Variants in OBP2A observed in about 807,000 individuals in gnomAD.
OBP2A encodes the protein odorant binding protein 2A.
A neutral mutation model predicts 21.9 loss-of-function variants in OBP2A; 15 were observed. The observed-to-expected ratio is 0.69, with a 90% CI of 0.46 to 1.06. The LOEUF is 1.06. Ranked by LOEUF, OBP2A falls within the 50% of genes least tolerant of loss-of-function variation. OBP2A has a pLI of 0.00. For synonymous variants in OBP2A, 86 were observed against 91.8 expected (o/e 0.94, Z 0.36); for missense variants, 192 against 220.1 (o/e 0.87, Z 0.81).
At chr9:135,548,993 C>CTGGGGCTCTGAGCTCTGGGCTGCGATGG (rs1292271646) in intron 5 of OBP2A, among the ~76,000 whole-genome samples, 184 bp downstream of exon 5, 40 of 21,140 alleles carry the variant, frequency 1.9e-3, no homozygotes, top group African/African-American at 3.1e-3. Context: ...GGCTGCGATG[C>CTGGGGCTCTGAGCTCTGGGCTGCGATGG]GGTCTGGGGC....
chr9:135,548,088 C>A, intron 4 of OBP2A, 107 bp downstream of exon 4: 1 of 772,446 alleles, frequency 1.3e-6, no homozygotes, highest in Non-Finnish European at 2.0e-6. Context: ...AGGAAGCCCC[C>A]TGCGCCGGCC....
In OBP2A at chr9:135,547,187, T is replaced by C; in HGVS notation, c.216T>C (p.Asp72=). Residue 72 remains aspartate (D), a synonymous_variant, in exon 3 of 7, where the codon GAT becomes GAC. Coordinates refer to ENST00000371776, the MANE Select transcript of OBP2A (RefSeq NM_014582.3). The part of the protein sequence containing the change: ...LEATFTFMRE[D]RCIQKKILMR... ...GTCTCCTGTTTTCCAGGAGGGAGGATCGGTGCATCCAGAAGAAAATCCTGA... is the reference window on the plus strand; with the variant it reads ...GTCTCCTGTTTTCCAGGAGGGAGGACCGGTGCATCCAGAAGAAAATCCTGA... 2 of 1,612,316 alleles carry C rather than the reference T, an allele frequency of 1.2e-6. No homozygotes were observed. Among genetic ancestry groups the C allele is most frequent in the Non-Finnish European group, 1.7e-6 (2 of 1,179,872 alleles).
At chr9:135,547,428 C>T (rs1243329724) in intron 3 of OBP2A, among the ~76,000 whole-genome samples, 180 bp downstream of exon 3, 1 of 152,212 alleles carries the variant, frequency 6.6e-6, no homozygotes, top group African/African-American at 2.4e-5. Flanking sequence ...CCAGGTGTGA[C>T]AGGCTTGTCC....
intron 4 of OBP2A, 92 bp from the exon 5 acceptor site, chr9:135,548,616 T>G (rs1293046663): frequency 1.9e-6 from 3 of 1,580,186 alleles, no homozygotes; most frequent in Non-Finnish European, 2.6e-6. Flanking sequence ...CCCGTCCTGA[T>G]GCTGGGCCGT....
intron 3 of OBP2A, 66 bp downstream of exon 3, chr9:135,547,314 G>A (rs1831967686): frequency 5.2e-6 from 8 of 1,546,858 alleles, no homozygotes; most frequent in East Asian, 4.5e-5. Flanking sequence ...CACTGCAGGT[G>A]GAGAGTGCCC....
At chr9:135,548,976 C>CGCTCTGGGCTGCG (rs1832035039) in intron 5 of OBP2A, among the ~76,000 whole-genome samples, 167 bp downstream of exon 5, 1 of 151,666 alleles carries the variant, frequency 6.6e-6, no homozygotes, top group Admixed American at 6.6e-5. Flanking sequence ...GGAGGGTCTG[C>CGCTCTGGGCTGCG]ACTCTGGGCT....
intron 5 of OBP2A, 128 bp from the exon 6 acceptor site, chr9:135,549,180 C>T (rs1213509017): frequency 1.3e-5 from 7 of 552,128 alleles, no homozygotes; most frequent in Non-Finnish European, 1.9e-5. Context: ...CTCTGGGCTG[C>T]GATGGGGTCT....
Position 135,547,867 on chromosome 9 carries a change from AC to A in OBP2A, c.278-3del, listed in dbSNP as rs1222666669. 1.9e-6 allele frequency: 3 copies of A among 1,600,238 alleles called. No homozygotes were observed. The highest frequency in any genetic ancestry group is 1.1e-5 in the South Asian group (1 of 89,654). ...TGAAGACCCATCTTCTCTGTCATCT[AC>A]AGATGGGGGCAGGAAGCTCATATAC... On this transcript the variant is annotated splice_polypyrimidine_tract_variant and splice_region_variant and intron_variant, in intron 3 of 6. Coordinates refer to ENST00000371776, the MANE Select transcript of OBP2A (RefSeq NM_014582.3).
At chr9:135,549,653 C>A (rs564074514) in intron 6 of OBP2A, 184 bp from the exon 7 acceptor site, 7 of 593,324 alleles carry the variant, frequency 1.2e-5, no homozygotes, top group Middle Eastern at 4.4e-4. Flanking sequence ...TACTCCCCCC[C>A]ACCCACTCAC....
Position 135,546,780 on chromosome 9 carries a change from C to G in OBP2A, c.75C>G (p.Ile25Met). ...CTCACGGCCTTGGCCTGCTCCAGAT[C>G]ACAGGGACCTGGTACGTGAAGGCCA... Reference protein sequence around the residue: ...ALSFTLEEEDITGTWYVKAMV... With the variant: ...ALSFTLEEEDMTGTWYVKAMV... The change falls in exon 2 of 7, where the codon ATC (isoleucine) becomes ATG (methionine). Residue 25 changes from isoleucine to methionine, a missense_variant and splice_region_variant. Ile to Met is a conservative substitution (Grantham distance 10). Transcript: ENST00000371776. 1.2e-6 allele frequency: 2 copies of G among 1,609,068 alleles called. No homozygotes were observed. The highest frequency in any genetic ancestry group is 1.7e-6 in the Non-Finnish European group (2 of 1,176,986).
At position 135,546,856 on chromosome 9, in the gene OBP2A, C is replaced by T; in HGVS notation, c.151C>T (p.Pro51Ser). The change falls in exon 2 of 7, where the codon CCA (proline) becomes TCA (serine). Residue 51 changes from proline (P) to serine (S), a missense_variant. By Grantham distance (74) the Pro-to-Ser change is moderately conservative (BLOSUM62 -1). Coordinates refer to ENST00000371776, the MANE Select transcript of OBP2A (RefSeq NM_014582.3). The stretch of plus-strand genomic sequence containing the variant: ...GGACAGGAGGCCCAGGAAGGTGTCC[C>T]CAGTGAAGGTGACAGCCCTGGGCGG... Reference protein sequence around the residue: ...PEDRRPRKVSPVKVTALGGGN... With the variant: ...PEDRRPRKVSSVKVTALGGGN... 3 of 1,613,728 alleles carry T rather than the reference C, an allele frequency of 1.9e-6. No homozygotes were observed. Among genetic ancestry groups the T allele is most frequent in the Non-Finnish European group, 1.7e-6 (2 of 1,179,754 alleles).
In OBP2A at chr9:135,549,958, G is replaced by A. The variant is rs1033024204; in HGVS notation, c.*123G>A. ...CCACCCACCTGACTCCAAATAAAGA[G>A]CTTCTCCCCCAGCTCTGGGCAGGCC... On this transcript the variant is annotated 3_prime_UTR_variant, in exon 7 of 7. Transcript: ENST00000371776. 5.2e-6 allele frequency: 7 copies of A among 1,351,768 alleles called. No individual in the cohort carries two copies. The highest frequency in any genetic ancestry group is 1.3e-5 in the South Asian group (1 of 75,098). 83.7% of individuals were successfully genotyped at this position (1,351,768 alleles called of 1,614,324 possible).
intron 5 of OBP2A, among the ~76,000 whole-genome samples, chr9:135,549,040 C>T (rs1221984863): frequency 3.6e-4 from 40 of 111,968 alleles, no homozygotes; most frequent in African/African-American, 1.3e-3. Context: ...TGGGGCTCCG[C>T]GCTCTGGGCT....
At chr9:135,548,575 C>A (rs548152251) in intron 4 of OBP2A, 133 bp from the exon 5 acceptor site, 3 of 1,343,536 alleles carry the variant, frequency 2.2e-6, no homozygotes, top group East Asian at 2.5e-5. Flanking sequence ...CAGCCCCACC[C>A]CTGAGCTCTG....
intron 6 of OBP2A, 158 bp from the exon 7 acceptor site, chr9:135,549,679 G>T (rs576154409): frequency 9.4e-5 from 56 of 597,708 alleles, no homozygotes; most frequent in Admixed American, 3.0e-4. Context: ...ATGCTCAGAG[G>T]CCTGCCCAGT....
chr9:135,546,675 GC>G lies in OBP2A; in HGVS notation c.73-101del. 2.0e-6 allele frequency: 3 copies of G among 1,518,504 alleles called. No individual in the cohort carries two copies. In the Admixed American group the frequency reaches 6.2e-5, roughly 31 times the overall value. 94.1% of individuals were successfully genotyped at this position (1,518,504 alleles called of 1,614,324 possible). The stretch of plus-strand genomic sequence containing the variant: ...ACCCAGCCTGCCTTTAGGGGTGGCA[GC>G]CGGGCACCATGGGTGTCTGGTTATA... On this transcript the variant is annotated intron_variant, in intron 1 of 6. Transcript: ENST00000371776.
In OBP2A at chr9:135,547,072, G is replaced by T. The variant is rs1353243194; in HGVS notation, c.207-106G>T. On this transcript the variant is annotated intron_variant, in intron 2 of 6. Transcript: ENST00000371776. ...ATCCTGAAGCTCGGTGGGGTGGGGG[G>T]GCAGTGGAATTTTCAGGTTGCCGGG... 5 of 1,475,592 alleles carry T rather than the reference G, an allele frequency of 3.4e-6. No homozygotes were observed. The South Asian group carries it at 5.7e-5, about 17-fold the overall frequency. The allele number at this position is 1,475,592 out of a possible 1,614,324, so 91.4% of individuals were successfully genotyped here. A position where few individuals can be genotyped will look rare whatever the true frequency, so the allele number is the denominator to read the frequency against.
Position 135,549,954 on chromosome 9 carries a change from A to T in OBP2A, c.*119A>T, listed in dbSNP as rs375074263. On this transcript the variant is annotated 3_prime_UTR_variant, in exon 7 of 7. Transcript: ENST00000371776. Reference sequence around the variant, plus strand: ...GCTCCCACCCACCTGACTCCAAATAAAGAGCTTCTCCCCCAGCTCTGGGCA... The same window carrying T: ...GCTCCCACCCACCTGACTCCAAATATAGAGCTTCTCCCCCAGCTCTGGGCA... The T allele has an allele frequency of 4.7e-6, 7 of 1,495,306 alleles. No homozygotes were observed. In the African/African-American group the frequency reaches 5.7e-5, roughly 12 times the overall value. 92.6% of individuals were successfully genotyped at this position (1,495,306 alleles called of 1,614,324 possible).
At chr9:135,547,844 A>G (rs1831984201) in intron 3 of OBP2A, 27 bp from the exon 4 acceptor site, 1 of 1,529,688 alleles carries the variant, frequency 6.5e-7, no homozygotes, top group Non-Finnish European at 8.9e-7. Context: ...GAGGGCACTG[A>G]AGACCCATCT....
Sources: allele counts gnomAD v4.1 joint callset (sites outside exome capture counted in the v4.1 genomes callset), GRCh38; gene constraint gnomAD v4.1.1; transcripts MANE v1.5; gene names NCBI Gene and HGNC (gene_info 2026-07-23, HGNC 2026-07-21).